KIF1B: variants seen among roughly 807,000 people sequenced by gnomAD.
KIF1B encodes the protein kinesin-like protein KIF1B.
In KIF1B, 76 loss-of-function variants were observed where a neutral mutation model predicts 241.9. That is an observed-to-expected ratio of 0.31 (90% CI 0.26 to 0.38). The LOEUF (loss-of-function observed/expected upper bound fraction) is 0.38, where lower values mean the gene tolerates loss of function less well. Ranked by LOEUF, KIF1B falls within the 10% of genes least tolerant of loss-of-function variation. The pLI is 1.00. For missense variants in KIF1B, 1,622 were observed against 2,271.4 expected, an observed-to-expected ratio of 0.71 and a Z score of 5.81; for synonymous variants, 750 against 796.7, an observed-to-expected ratio of 0.94 and a Z score of 0.99.
rs746847971 is a variant in KIF1B, at chr1:10,304,370, C to A, written c.2115+7124C>A. Reference sequence around the variant, plus strand: ...CTCAATAATGGCCAGCCGAAAAGTACGCGCTGCCAGGCATCTGCCTCCGCG... The same window carrying A: ...CTCAATAATGGCCAGCCGAAAAGTAAGCGCTGCCAGGCATCTGCCTCCGCG... On this transcript the variant is annotated intron_variant, in intron 22 of 48. Transcript: ENST00000676179. 120 of 1,614,100 alleles carry A rather than the reference C, an allele frequency of 7.4e-5. 1 individual carries two copies. In the East Asian group the frequency reaches 2.7e-3, roughly 36 times the overall value.
intron 17 of KIF1B, 101 bp from the exon 18 acceptor site, chr1:10,294,985 T>C (rs2102254959): frequency 1.2e-6 from 1 of 807,234 alleles, no homozygotes; most frequent in Non-Finnish European, 2.2e-6. Flanking sequence ...CTCTAGGCTC[T>C]GTGGAGAGTT....
At chr1:10,295,832 A>G in intron 19 of KIF1B, 66 bp downstream of exon 19, 6 of 1,324,940 alleles carry the variant, frequency 4.5e-6, no homozygotes, top group Non-Finnish European at 6.5e-6. Context: ...AATCCTTAAG[A>G]CTTTGTATTC....
At chr1:10,358,849 C>T (rs1157296953) in intron 38 of KIF1B, among the ~76,000 whole-genome samples, 1 of 152,154 alleles carries the variant, frequency 6.6e-6, no homozygotes, top group Non-Finnish European at 1.5e-5. Context: ...CCTCCTGTGC[C>T]CAGGGAGCCC....
At chr1:10,256,700 AATAATT>A (rs1477245663) in intron 3 of KIF1B, among the ~76,000 whole-genome samples, 2 of 148,446 alleles carry the variant, frequency 1.3e-5, no homozygotes, top group Non-Finnish European at 3.0e-5. Flanking sequence ...AAATAATAAT[AATAATT>A]ATTATTATTA....
intron 28 of KIF1B, among the ~76,000 whole-genome samples, chr1:10,335,467 G>A (rs1487027879): frequency 6.6e-6 from 1 of 152,064 alleles, no homozygotes; most frequent in African/African-American, 2.4e-5. Flanking sequence ...TGGCCAGGCT[G>A]GTCTGAAACT....
Position 10,365,398 on chromosome 1 carries a change from G to T in KIF1B, c.4513-11G>T. On this transcript the variant is annotated splice_polypyrimidine_tract_variant and intron_variant, in intron 42 of 48. Coordinates refer to ENST00000676179, the MANE Select transcript of KIF1B (RefSeq NM_001365951.3). This position sits in a 1 kb window ranked among gnomAD's most constrained non-coding sequence, Gnocchi z 4.0. The stretch of plus-strand genomic sequence containing the variant: ...TTGTGTTTGCTATAGCAGTAGTATT[G>T]ATCTTCTCAGGTGGAAAAAACCCGC... 1 of 1,614,034 alleles carries T rather than the reference G, an allele frequency of 6.2e-7. No individual in the cohort carries two copies. The highest frequency in any genetic ancestry group is 8.5e-7 in the Non-Finnish European group (1 of 1,180,016).
intron 7 of KIF1B, among the ~76,000 whole-genome samples, chr1:10,269,514 C>CA (rs1324325927): frequency 0.088 from 7,047 of 80,530 alleles, 265 homozygotes; most frequent in African/African-American, 0.17. Flanking sequence ...GACTCTGTCT[C>CA]AAAAAAAAAA....
At chr1:10,252,005 A>G (rs1647478084) in intron 2 of KIF1B, among the ~76,000 whole-genome samples, 1 of 152,088 alleles carries the variant, frequency 6.6e-6, no homozygotes, top group African/African-American at 2.4e-5. Flanking sequence ...GATCTTTTAG[A>G]AACTACAGTC....
At chr1:10,321,904 G>A (rs756288562) in intron 24 of KIF1B, 47 bp downstream of exon 24, 1 of 1,610,118 alleles carries the variant, frequency 6.2e-7, no homozygotes, top group Admixed American at 1.7e-5. Flanking sequence ...AGCCGAGCCT[G>A]CTGTGGGTGC....
intron 33 of KIF1B, among the ~76,000 whole-genome samples, chr1:10,342,623 T>A (rs1044753732): frequency 6.6e-6 from 1 of 152,324 alleles, no homozygotes; most frequent in African/African-American, 2.4e-5. Flanking sequence ...AGACATTTTT[T>A]AAATGAGATT....
chr1:10,329,287 C>T (rs1216401893), intron 27 of KIF1B, among the ~76,000 whole-genome samples: 3 of 152,158 alleles, frequency 2.0e-5, no homozygotes, highest in African/African-American at 7.2e-5. Context: ...CTACATTTCT[C>T]TTCTACAAAC....
rs777288092 is a variant in KIF1B, at chr1:10,236,279, C to CAACAAT, written c.106+3850_106+3851insTAACAA. On this transcript the variant is annotated intron_variant, in intron 2 of 48. Transcript: ENST00000676179. ...AGAGCAAGACTCCATCCCAAAACAACAACAACAACAACAACAACAACAACA... is the reference window on the plus strand; with the variant it reads ...AGAGCAAGACTCCATCCCAAAACAACAACAATAACAACAACAACAACAACAACAACA... Among the ~76,000 whole-genome samples the CAACAAT allele has an allele frequency of 2.8e-5, 4 of 140,874 alleles. No individual in the cohort carries two copies. The East Asian group carries it at 7.7e-4, about 27-fold the overall frequency. The allele number at this position is 140,874 out of a possible 152,430, so 92.4% of individuals were successfully genotyped here.
intron 14 of KIF1B, among the ~76,000 whole-genome samples, 191 bp from the exon 15 acceptor site, chr1:10,282,131 A>G (rs971118719): frequency 1.3e-5 from 2 of 152,252 alleles, no homozygotes; most frequent in African/African-American, 4.8e-5. Context: ...GGATACCACT[A>G]TTAAAGACAG....
rs202229713 is a variant in KIF1B, at chr1:10,352,700, C to A, written c.4019C>A (p.Ser1340Tyr). The change falls in exon 38 of 49, where the codon TCT (serine) becomes TAT (tyrosine). Residue 1340 changes from serine (S) to tyrosine (Y), a missense_variant. Coordinates refer to ENST00000676179, the MANE Select transcript of KIF1B (RefSeq NM_001365951.3). ...GCCATCCTCTCCCTAAATATTATTT[C>A]TGCCAAGTACCTGAAGTCTTCCCAC... ...VDAILSLNII[S>Y]AKYLKSSHNS... The A allele has an allele frequency of 2.9e-5, 47 of 1,613,858 alleles. No individual in the cohort carries two copies. The highest frequency in any genetic ancestry group is 4.0e-5 in the African/African-American group (3 of 74,890).
rs1381324489 is a variant in KIF1B at position 10,334,578 on chromosome 1, A to G, written c.2983A>G (p.Ile995Val). 5 of 1,614,012 alleles carry G rather than the reference A, an allele frequency of 3.1e-6. No homozygotes were observed. The highest frequency in any genetic ancestry group is 1.7e-5 in the Admixed American group (1 of 60,004). The stretch of plus-strand genomic sequence containing the variant: ...CGTGCCCCTGATCCACAGGGTGGCC[A>G]TCGTCAGTGAGAAAGGTGAAGTGCG... ...YPVPLIHRVA[I>V]VSEKGEVRGF... Residue 995 changes from isoleucine to valine, a missense_variant, in exon 28 of 49, where the codon ATC becomes GTC. Transcript: ENST00000676179.
In KIF1B at chr1:10,303,854, T is replaced by G; in HGVS notation, c.2115+6608T>G. On this transcript the variant is annotated intron_variant, in intron 22 of 48. Coordinates refer to ENST00000676179, the MANE Select transcript of KIF1B (RefSeq NM_001365951.3). The surrounding 1 kb of genome is among the most constrained non-coding windows in gnomAD (Gnocchi z 5.2). ...GTTAGTAGCACCTCTGAGAATAATG[T>G]AAGTAAAGGAGACAATGGAGAACTT... is the stretch of plus-strand genomic sequence containing the variant. 1 of 1,614,154 alleles carries G rather than the reference T, an allele frequency of 6.2e-7. No homozygotes were observed. Among genetic ancestry groups the G allele is most frequent in the Non-Finnish European group, 8.5e-7 (1 of 1,180,014 alleles).
intron 22 of KIF1B, chr1:10,304,318 C>CG: frequency 6.2e-7 from 1 of 1,614,214 alleles, no homozygotes; most frequent in African/African-American, 1.3e-5. Flanking sequence ...GCAACAGCCA[C>CG]CTCAACTACG....
chr1:10,223,798 C>G (rs1169060542), intron 1 of KIF1B, among the ~76,000 whole-genome samples: 1 of 152,090 alleles, frequency 6.6e-6, no homozygotes, highest in Non-Finnish European at 1.5e-5. Context: ...CCCGCCTCGG[C>G]CTCCCAAAGT....
intron 1 of KIF1B, among the ~76,000 whole-genome samples, chr1:10,225,071 C>A (rs892639115): frequency 2.6e-5 from 4 of 152,192 alleles, no homozygotes; most frequent in Non-Finnish European, 5.9e-5. Flanking sequence ...AGGAGGAGCT[C>A]AGGCAATAAT....
Sources: allele counts gnomAD v4.1 joint callset (sites outside exome capture counted in the v4.1 genomes callset), GRCh38; gene constraint gnomAD v4.1.1; non-coding constraint Gnocchi (gnomAD v3.1); transcripts MANE v1.5; gene names NCBI Gene and HGNC (gene_info 2026-07-23, HGNC 2026-07-21).